The following ERBB4 variants were observed in gnomAD, a reference collection of about 807,000 sequenced individuals.
ERBB4 encodes erb-b2 receptor tyrosine kinase 4.
In ERBB4, 42 loss-of-function variants were observed where a neutral mutation model predicts 158.0. The ratio of observed to expected loss-of-function variants is 0.27; its 90% CI spans 0.21 to 0.34. ERBB4 has a LOEUF of 0.34. ERBB4 is among the 10% of genes least tolerant of loss of function. The pLI is 1.00. For missense variants in ERBB4, 1,333 were observed against 1,624.1 expected (o/e 0.82, Z 3.08); for synonymous variants, 583 against 558.7 (o/e 1.04, Z -0.61).
rs188886735 is a variant in ERBB4 at position 211,972,196 on chromosome 2, G to A, written c.235-24580C>T. Among the ~76,000 whole-genome samples the A allele has an allele frequency of 2.6e-5, 4 of 151,896 alleles. No homozygotes were observed. The East Asian group carries it at 7.8e-4, about 30-fold the overall frequency. On this transcript the variant is annotated intron_variant, in intron 2 of 27. Coordinates refer to ENST00000342788, the MANE Select transcript of ERBB4 (RefSeq NM_005235.3). ...AAATACCTATGAATACAGCTGACTA[G>A]GTAGGTGGAAGAGATCTACAAGGAA...
At chr2:211,638,648 G>A (rs1192758630) in intron 16 of ERBB4, among the ~76,000 whole-genome samples, 1 of 152,070 alleles carries the variant, frequency 6.6e-6, no homozygotes, top group Admixed American at 6.6e-5. Context: ...AATGTTTTTT[G>A]ACTCGGCTTT....
intron 3 of ERBB4, among the ~76,000 whole-genome samples, chr2:211,867,192 G>A (rs946167696): frequency 6.6e-6 from 1 of 152,100 alleles, no homozygotes; most frequent in African/African-American, 2.4e-5. Context: ...TGCAGATGAA[G>A]GATAAGTCAA....
At chr2:211,735,081 T>C (rs989711292) in intron 5 of ERBB4, among the ~76,000 whole-genome samples, 10 of 152,134 alleles carry the variant, frequency 6.6e-5, no homozygotes, top group Non-Finnish European at 1.2e-4. Context: ...TATGTGTATA[T>C]GTAAATATAA....
intron 2 of ERBB4, among the ~76,000 whole-genome samples, chr2:211,999,577 A>G (rs1326604626): frequency 1.3e-5 from 2 of 151,840 alleles, no homozygotes; most frequent in Non-Finnish European, 3.0e-5. Context: ...TAAACATAAA[A>G]GAATCAAATG....
intron 2 of ERBB4, among the ~76,000 whole-genome samples, chr2:211,963,934 T>C (rs1487087687): frequency 6.6e-6 from 1 of 152,198 alleles, no homozygotes; most frequent in Non-Finnish European, 1.5e-5. Flanking sequence ...AAAATAACAA[T>C]GTCTCACAGG....
intron 2 of ERBB4, among the ~76,000 whole-genome samples, chr2:212,083,560 A>G (rs986638432): frequency 2.6e-5 from 4 of 151,876 alleles, no homozygotes; most frequent in Non-Finnish European, 4.4e-5. Flanking sequence ...GGAACATAAA[A>G]TAAGACTACA....
At position 211,803,956 on chromosome 2, in the gene ERBB4, C is replaced by T. The variant is rs188879996; in HGVS notation, c.422-15797G>A. On this transcript the variant is annotated intron_variant, in intron 3 of 27. Coordinates refer to ENST00000342788, the MANE Select transcript of ERBB4 (RefSeq NM_005235.3). Reference sequence around the variant, plus strand: ...TACATGAACAGTAGAGACCAGAAGGCACTGAATTCCATAAGACTTCTTCAT... The same window carrying T: ...TACATGAACAGTAGAGACCAGAAGGTACTGAATTCCATAAGACTTCTTCAT... Among the ~76,000 whole-genome samples, 86 of 152,298 alleles carry T rather than the reference C, an allele frequency of 5.6e-4. 2 individuals are homozygous for T. Among genetic ancestry groups the T allele is most frequent in the African/African-American group, 1.8e-3 (75 of 41,556 alleles).
At chr2:211,757,558 C>A (rs1310409127) in intron 4 of ERBB4, among the ~76,000 whole-genome samples, 1 of 152,094 alleles carries the variant, frequency 6.6e-6, no homozygotes, top group Non-Finnish European at 1.5e-5. Context: ...CTCATGTGAT[C>A]AAGATTAATT....
At chr2:212,494,257 C>T (rs2106212594) in intron 1 of ERBB4, among the ~76,000 whole-genome samples, 1 of 152,010 alleles carries the variant, frequency 6.6e-6, no homozygotes, top group Non-Finnish European at 1.5e-5. Flanking sequence ...ACATGTCCTT[C>T]TCATCAAACA....
chr2:211,727,238 T>C (rs901771995), intron 5 of ERBB4, among the ~76,000 whole-genome samples: 14 of 152,146 alleles, frequency 9.2e-5, no homozygotes, highest in Non-Finnish European at 2.1e-4. Flanking sequence ...ACCCACCTAA[T>C]AGGATTGAAG....
At chr2:211,884,984 T>A (rs186756214) in intron 3 of ERBB4, among the ~76,000 whole-genome samples, 2 of 152,152 alleles carry the variant, frequency 1.3e-5, no homozygotes, top group Admixed American at 6.6e-5. Flanking sequence ...ATAAGGAAAA[T>A]TGATTCTACT....
intron 1 of ERBB4, among the ~76,000 whole-genome samples, chr2:212,244,309 A>G (rs573154542): frequency 7.1e-4 from 108 of 152,294 alleles, no homozygotes; most frequent in African/African-American, 2.5e-3. Context: ...AACACGGAGG[A>G]AGTCTAGCCA....
intron 2 of ERBB4, among the ~76,000 whole-genome samples, chr2:212,058,358 G>A (rs1212511430): frequency 1.3e-5 from 2 of 152,090 alleles, no homozygotes; most frequent in Non-Finnish European, 2.9e-5. Flanking sequence ...TTCTACCTGA[G>A]GTACAAGGAG....
intron 20 of ERBB4, among the ~76,000 whole-genome samples, chr2:211,511,861 G>A (rs2065892394): frequency 6.6e-6 from 1 of 151,926 alleles, no homozygotes; most frequent in South Asian, 2.1e-4. Context: ...ATCAGCTCTT[G>A]GATCCATAAT....
At chr2:211,742,595 G>T (rs79297738) in intron 5 of ERBB4, among the ~76,000 whole-genome samples, 18,769 of 151,380 alleles carry the variant, frequency 0.12, 2,310 homozygotes, top group African/African-American at 0.3. Flanking sequence ...CTAAGGTTTT[G>T]TTTTTTTCCC....
intron 20 of ERBB4, among the ~76,000 whole-genome samples, chr2:211,453,697 A>G (rs2125484227): frequency 6.6e-6 from 1 of 152,332 alleles, no homozygotes; most frequent in South Asian, 2.1e-4. Flanking sequence ...TCTGTAGCAG[A>G]CAGGCAGACG....
At chr2:212,389,509 G>A (rs1354165832) in intron 1 of ERBB4, among the ~76,000 whole-genome samples, 1 of 151,816 alleles carries the variant, frequency 6.6e-6, no homozygotes, top group South Asian at 2.1e-4. Flanking sequence ...ATTCAACTCT[G>A]GTCAATCAGC....
At chr2:211,573,199 C>T (rs934707996) in intron 19 of ERBB4, among the ~76,000 whole-genome samples, 1 of 151,962 alleles carries the variant, frequency 6.6e-6, no homozygotes, top group Non-Finnish European at 1.5e-5. Flanking sequence ...AGAGTGATGC[C>T]CCCACAAGCC....
intron 3 of ERBB4, among the ~76,000 whole-genome samples, chr2:211,863,332 G>A (rs547442994): frequency 6.6e-6 from 1 of 152,172 alleles, no homozygotes; most frequent in Non-Finnish European, 1.5e-5. Context: ...GACATGAGCA[G>A]GGACAAATAA....
Sources: allele counts gnomAD v4.1 joint callset (sites outside exome capture counted in the v4.1 genomes callset), GRCh38; gene constraint gnomAD v4.1.1; transcripts MANE v1.5; gene names NCBI Gene and HGNC (gene_info 2026-07-23, HGNC 2026-07-21).